The following ZSCAN32 variants were observed in gnomAD, a reference collection of about 807,000 sequenced individuals.
ZSCAN32 encodes the protein zinc finger and SCAN domain containing 32.
In ZSCAN32, 52 loss-of-function variants were observed where a neutral mutation model predicts 47.4. The ratio of observed to expected loss-of-function variants is 1.10; its 90% CI spans 0.88 to 1.38. The LOEUF is 1.38. Ranked by LOEUF, ZSCAN32 falls within the 40% of genes most tolerant of loss-of-function variation. ZSCAN32 has a pLI of 0.00. For missense variants in ZSCAN32, 959 were observed against 846.0 expected, an observed-to-expected ratio of 1.13 and a Z score of -1.66; for synonymous variants, 346 against 305.7, an observed-to-expected ratio of 1.13 and a Z score of -1.38.
chr16:3,396,315 C>T (rs1376361719), intron 2 of ZSCAN32, among the ~76,000 whole-genome samples: 1 of 152,214 alleles, frequency 6.6e-6, no homozygotes, highest in Non-Finnish European at 1.5e-5. Context: ...AAAGTACTAA[C>T]TCTTCAATCC....
chr16:3,394,410 G>A (rs781661007), intron 2 of ZSCAN32, among the ~76,000 whole-genome samples: 5 of 152,142 alleles, frequency 3.3e-5, no homozygotes, highest in Non-Finnish European at 5.9e-5. Flanking sequence ...AAACCCCCAT[G>A]ACTTCAGCAC....
At chr16:3,390,265 A>G in intron 4 of ZSCAN32, 132 bp from the exon 5 acceptor site, 1 of 1,421,450 alleles carries the variant, frequency 7.0e-7, no homozygotes, top group East Asian at 2.5e-5. Flanking sequence ...CCAGTGGGAC[A>G]GGTTCTGAGC....
At chr16:3,400,535 A>G (rs1392792888) in intron 1 of ZSCAN32, among the ~76,000 whole-genome samples, 3 of 152,180 alleles carry the variant, frequency 2.0e-5, no homozygotes, top group African/African-American at 4.8e-5. Context: ...CACTCTAGCG[A>G]TGGCCCAAAC....
chr16:3,383,085 TGAACTGG>T lies in ZSCAN32; in HGVS notation c.1854_1860del (p.Gln619ValfsTer64), dbSNP rs1473452663. The T allele has an allele frequency of 6.2e-7, 1 of 1,614,200 alleles. No individual in the cohort carries two copies. Among genetic ancestry groups the T allele is most frequent in the East Asian group, 2.2e-5 (1 of 44,880 alleles). ...CCAGTGTGGATGCGCCGGTGAGCAC[TGAACTGG>T]GAACTGTTGTTGAATCTCTTTCCAC... On this transcript the variant is annotated frameshift_variant, in exon 7 of 7. Coordinates refer to ENST00000396852, the MANE Select transcript of ZSCAN32 (RefSeq NM_001284527.2). LOFTEE classifies it low-confidence loss of function (END_TRUNC).
chr16:3,384,328 A>T, intron 6 of ZSCAN32, 131 bp downstream of exon 6: 1 of 1,369,832 alleles, frequency 7.3e-7, no homozygotes, highest in South Asian at 1.4e-5. Flanking sequence ...GAAAACCAAA[A>T]CTTGGATAGG....
At chr16:3,398,068 C>A (rs368376069) in intron 1 of ZSCAN32, among the ~76,000 whole-genome samples, 1 of 152,144 alleles carries the variant, frequency 6.6e-6, no homozygotes, top group East Asian at 1.9e-4. Context: ...ATAACCCTTC[C>A]CAAAACTAAA....
intron 2 of ZSCAN32, among the ~76,000 whole-genome samples, chr16:3,395,216 C>T (rs752753106): frequency 6.6e-6 from 1 of 152,196 alleles, no homozygotes; most frequent in Admixed American, 6.5e-5. Flanking sequence ...TACTGAGAGG[C>T]AAGTGGGGTC....
At chr16:3,397,833 T>TACGGCG in intron 1 of ZSCAN32, 89 bp from the exon 2 acceptor site, 1 of 258,640 alleles carries the variant, frequency 3.9e-6, no homozygotes, top group Non-Finnish European at 7.3e-6. Flanking sequence ...TTTCCTTTAC[T>TACGGCG]CCCTCCACAA....
In ZSCAN32 at chr16:3,384,548, T is replaced by C. The variant is rs2031697412; in HGVS notation, c.1145A>G (p.Asp382Gly). 2 of 1,614,142 alleles carry C rather than the reference T, an allele frequency of 1.2e-6. No individual in the cohort carries two copies. Among genetic ancestry groups the C allele is most frequent in the South Asian group, 1.1e-5 (1 of 91,078 alleles). Residue 382 changes from aspartate to glycine, a missense_variant, in exon 6 of 7, where the codon GAT (aspartate) becomes GGT (glycine). Asp to Gly is a moderately conservative substitution (Grantham distance 94, BLOSUM62 -1). Coordinates refer to ENST00000396852, the MANE Select transcript of ZSCAN32 (RefSeq NM_001284527.2). ...GTCCTTTTCATCCCTGTCTGCACCATCCACAGTGCCATCTTCTACCTCCGT... is the reference window on the plus strand; with the variant it reads ...GTCCTTTTCATCCCTGTCTGCACCACCCACAGTGCCATCTTCTACCTCCGT... ...EPTEVEDGTV[D>G]GADRDEKDFR...
At chr16:3,393,213 T>TATATATA (rs1567319478) in intron 3 of ZSCAN32, among the ~76,000 whole-genome samples, 2 of 23,524 alleles carry the variant, frequency 8.5e-5, no homozygotes, top group African/African-American at 7.2e-4. Context: ...TATATTTATA[T>TATATATA]ATATATATAT....
In ZSCAN32 at chr16:3,382,875, G is replaced by T. The variant is rs1368105585; in HGVS notation, c.2071C>A (p.Gln691Lys). ...TVHMKAVLSS[Q>K]EGRDAL ...ACTCATAACGCATCTCTTCCTTCCT[G>T]TGATGAGAGTACTGCTTTCATGTGT... Residue 691 changes from glutamine to lysine, a missense_variant, in exon 7 of 7, where the codon CAG becomes AAG. Physicochemically the swap from Gln to Lys is moderately conservative, Grantham distance 53. Transcript: ENST00000396852. 1 of 1,573,460 alleles carries T rather than the reference G, an allele frequency of 6.4e-7. No homozygotes were observed. Among genetic ancestry groups the T allele is most frequent in the South Asian group, 1.2e-5 (1 of 86,904 alleles).
chr16:3,391,695 A>C (rs2032721735), intron 3 of ZSCAN32, among the ~76,000 whole-genome samples: 1 of 149,272 alleles, frequency 6.7e-6, no homozygotes, highest in Non-Finnish European at 1.5e-5. Context: ...AAAAAAAAAA[A>C]AACAAAATAC....
intron 2 of ZSCAN32, among the ~76,000 whole-genome samples, chr16:3,396,712 G>A (rs1311305015): frequency 2.6e-5 from 4 of 152,150 alleles, no homozygotes; most frequent in Non-Finnish European, 4.4e-5. Context: ...ACCGTAAGAG[G>A]ATATTTTATG....
intron 5 of ZSCAN32, among the ~76,000 whole-genome samples, chr16:3,387,186 G>A (rs2032113234): frequency 6.6e-6 from 1 of 152,134 alleles, no homozygotes; most frequent in African/African-American, 2.4e-5. Flanking sequence ...GGCAATAAGG[G>A]TAGTGGCTTG....
At chr16:3,400,122 A>T (rs1010127829) in intron 1 of ZSCAN32, among the ~76,000 whole-genome samples, 1 of 152,180 alleles carries the variant, frequency 6.6e-6, no homozygotes, top group African/African-American at 2.4e-5. Context: ...AATTAAAGAA[A>T]TTTTTTTATA....
intron 2 of ZSCAN32, among the ~76,000 whole-genome samples, chr16:3,396,461 C>G (rs750804877): frequency 1.3e-5 from 2 of 152,140 alleles, no homozygotes; most frequent in Non-Finnish European, 2.9e-5. Flanking sequence ...ACTCTGGCAC[C>G]CAGCAAGCTG....
Position 3,393,701 on chromosome 16 carries a change from C to T in ZSCAN32, c.480G>A (p.Pro160=), listed in dbSNP as rs1223071199. ...GTGAGCTCTGTGATCCCTTAAAAGT[C>T]GGTTCCTCTGGCTGAACCTCCTGTT... ...QWKQEVQPEE[P]TFKGSQSSHQ... Residue 160 remains proline, a synonymous_variant, in exon 3 of 7, where the codon CCG becomes CCA. Coordinates refer to ENST00000396852, the MANE Select transcript of ZSCAN32 (RefSeq NM_001284527.2). The T allele has an allele frequency of 5.2e-6, 8 of 1,550,090 alleles. No homozygotes were observed. The highest frequency in any genetic ancestry group is 1.8e-4 in the Middle Eastern group (1 of 5,680).
intron 3 of ZSCAN32, among the ~76,000 whole-genome samples, chr16:3,393,207 T>TA (rs1491409306): frequency 0.023 from 490 of 21,768 alleles, 55 homozygotes; most frequent in African/African-American, 0.079. Flanking sequence ...TATATTTATA[T>TA]TTATATATAT....
Position 3,384,578 on chromosome 16 carries a change from T to TC in ZSCAN32, c.1114dup (p.Glu372GlyfsTer17), listed in dbSNP as rs759070342. On this transcript the variant is annotated frameshift_variant, in exon 6 of 7. Transcript: ENST00000396852. LOFTEE classifies it high-confidence loss of function. ...AGTGCCATCTTCTACCTCCGTGGGT[T>TC]CCCCATTCTGGTGATTCAGCTCTCC... is the stretch of plus-strand genomic sequence containing the variant. The TC allele has an allele frequency of 5.6e-6, 9 of 1,614,196 alleles. No individual in the cohort carries two copies. The highest frequency in any genetic ancestry group is 7.6e-6 in the Non-Finnish European group (9 of 1,180,030).
Sources: gnomAD v4.1 joint callset for allele counts (sites outside exome capture counted in the v4.1 genomes callset) on GRCh38, gnomAD v4.1.1 for gene constraint, MANE v1.5 for transcripts, NCBI Gene and HGNC (gene_info 2026-07-23, HGNC 2026-07-21) for gene names.